Variants in PLCG2 observed in about 807,000 individuals in gnomAD.
PLCG2 encodes the protein phospholipase C gamma 2.
Under a neutral mutation model 175.6 loss-of-function variants are expected in PLCG2, and 69 were observed. The observed-to-expected ratio is 0.39, with a 90% CI of 0.32 to 0.48. PLCG2 has a LOEUF of 0.48. Among genes scored for constraint, PLCG2 ranks in the 20% least tolerant of loss-of-function variants. The pLI is 0.91. For missense variants in PLCG2, 1,798 were observed against 1,650.9 expected, an observed-to-expected ratio of 1.09 and a Z score of -1.54; for synonymous variants, 827 against 624.0, an observed-to-expected ratio of 1.33 and a Z score of -4.85.
chr16:81,874,966 T>TA (rs1907704795), intron 7 of PLCG2, among the ~76,000 whole-genome samples: 1 of 144,346 alleles, frequency 6.9e-6, no homozygotes. Flanking sequence ...TTTTTTTTTT[T>TA]TTTTTTTTTT....
chr16:81,924,918 C>G (rs372974769), intron 22 of PLCG2, among the ~76,000 whole-genome samples: 2 of 152,246 alleles, frequency 1.3e-5, no homozygotes, highest in Non-Finnish European at 2.9e-5. Context: ...TCCCTCCACT[C>G]GAAGTGGCAC....
chr16:81,829,477 C>G (rs79434273), intron 2 of PLCG2, among the ~76,000 whole-genome samples: 1 of 152,198 alleles, frequency 6.6e-6, no homozygotes. Flanking sequence ...CTTGGCCTCC[C>G]GAAGTGTTGG....
chr16:81,801,255 A>G (rs746980963), intron 2 of PLCG2, among the ~76,000 whole-genome samples: 27 of 152,232 alleles, frequency 1.8e-4, no homozygotes, highest in Non-Finnish European at 3.4e-4. Flanking sequence ...AATAAAATAT[A>G]GTTAAGTTCT....
intron 5 of PLCG2, among the ~76,000 whole-genome samples, chr16:81,859,722 G>C (rs1044356214): frequency 6.6e-6 from 1 of 151,996 alleles, no homozygotes; most frequent in African/African-American, 2.4e-5. Flanking sequence ...ATTTTTAGTA[G>C]AGACAGGGTT....
At chr16:81,946,376 G>T in intron 31 of PLCG2, 113 bp downstream of exon 31, 1 of 756,890 alleles carries the variant, frequency 1.3e-6, no homozygotes, top group Non-Finnish European at 2.4e-6. Flanking sequence ...GAATTGTCTA[G>T]CCCAAGCATG....
rs1911729783 is a variant in PLCG2, at chr16:81,960,164, T to C, written c.*2166T>C. 1 of 220,486 alleles carries C rather than the reference T, an allele frequency of 4.5e-6. No homozygotes were observed. The highest frequency in any genetic ancestry group is 9.1e-6 in the Non-Finnish European group (1 of 110,144). The allele number at this position is 220,486 out of a possible 1,614,324, so 13.7% of individuals were successfully genotyped here. On this transcript the variant is annotated 3_prime_UTR_variant, in exon 33 of 33. Coordinates refer to ENST00000564138, the MANE Select transcript of PLCG2 (RefSeq NM_002661.5). ...ATGAGAGAGTACTTTCTTCGGTTCTTTCCTCCTGTCCTTGACAGAGTAACA... is the reference window on the plus strand; with the variant it reads ...ATGAGAGAGTACTTTCTTCGGTTCTCTCCTCCTGTCCTTGACAGAGTAACA...
chr16:81,880,573 A>G (rs1908030040), intron 7 of PLCG2, among the ~76,000 whole-genome samples: 1 of 150,766 alleles, frequency 6.6e-6, no homozygotes, highest in South Asian at 2.1e-4. Context: ...CTTGAAACAC[A>G]GCAAAAAATT....
intron 5 of PLCG2, among the ~76,000 whole-genome samples, chr16:81,867,723 A>G (rs1907312517): frequency 6.7e-6 from 1 of 150,066 alleles, no homozygotes; most frequent in Admixed American, 6.7e-5. Flanking sequence ...TTGGAGATGG[A>G]GTCTTGCTCT....
chr16:81,928,803 T>C, intron 24 of PLCG2, 179 bp downstream of exon 24: 1 of 553,152 alleles, frequency 1.8e-6, no homozygotes, highest in South Asian at 2.7e-5. Context: ...CTATGTCTGC[T>C]ATTAATCTCT....
Position 81,810,803 on chromosome 16 carries a change from A to G in PLCG2, c.193+24621A>G, listed in dbSNP as rs549011990. On this transcript the variant is annotated intron_variant, in intron 2 of 32. Coordinates refer to ENST00000564138, the MANE Select transcript of PLCG2 (RefSeq NM_002661.5). Reference sequence around the variant, plus strand: ...CTGTATTGAGTTCTGATAGAAGGAGACAGGGTCTTTAATTTCATCGACCTT... The same window carrying G: ...CTGTATTGAGTTCTGATAGAAGGAGGCAGGGTCTTTAATTTCATCGACCTT... Among the ~76,000 whole-genome samples the G allele has an allele frequency of 2.0e-5, 3 of 152,170 alleles. No individual in the cohort carries two copies. In the East Asian group the frequency reaches 5.8e-4, roughly 29 times the overall value.
At chr16:81,922,658 G>C (rs1245536919) in intron 21 of PLCG2, among the ~76,000 whole-genome samples, 1 of 152,196 alleles carries the variant, frequency 6.6e-6, no homozygotes, top group African/African-American at 2.4e-5. Context: ...TCTGTAGCCT[G>C]TGTTCTGAGG....
chr16:81,939,075 C>G (rs1367996080), intron 29 of PLCG2, among the ~76,000 whole-genome samples, 160 bp downstream of exon 29: 1 of 152,112 alleles, frequency 6.6e-6, no homozygotes, highest in Non-Finnish European at 1.5e-5. Flanking sequence ...GGGATACATA[C>G]AAAGGGCCAC....
chr16:81,896,365 AACACACACAC>A (rs57375866), intron 13 of PLCG2, among the ~76,000 whole-genome samples: 10,305 of 120,834 alleles, frequency 0.085, 530 homozygotes, highest in Non-Finnish European at 0.094. Context: ...TCTCTACCAA[AACACACACAC>A]ACACACACAC....
chr16:81,762,731 A>G (rs1309031698), intron 2 of PLCG2, among the ~76,000 whole-genome samples: 2 of 152,166 alleles, frequency 1.3e-5, no homozygotes, highest in Non-Finnish European at 2.9e-5. Flanking sequence ...CACCACTGCA[A>G]TATCCCCCCA....
chr16:81,776,098 TTTTTTTCC>T (rs1567456724), upstream of PLCG2, among the ~76,000 whole-genome samples: 3 of 46,908 alleles, frequency 6.4e-5, 1 homozygote, highest in Non-Finnish European at 1.6e-4. Context: ...TCTTTCTTTC[TTTTTTTCC>T]TTCTTTCTTT....
intron 14 of PLCG2, among the ~76,000 whole-genome samples, chr16:81,902,974 T>C (rs538785976): frequency 6.6e-6 from 1 of 152,302 alleles, no homozygotes; most frequent in South Asian, 2.1e-4. Context: ...CATGATTCAA[T>C]TACCTCCCAC....
chr16:81,756,506 A>G (rs903142797), intron 2 of PLCG2, among the ~76,000 whole-genome samples: 5 of 152,218 alleles, frequency 3.3e-5, no homozygotes, highest in African/African-American at 1.2e-4. Context: ...GGAGGAGCCA[A>G]GCCTGTACTC....
chr16:81,780,307 T>A (rs1353069234), intron 1 of PLCG2, among the ~76,000 whole-genome samples: 1 of 152,182 alleles, frequency 6.6e-6, no homozygotes, highest in African/African-American at 2.4e-5. Flanking sequence ...CACCCAATTT[T>A]CCAGGGCTGT....
upstream of PLCG2, among the ~76,000 whole-genome samples, chr16:81,777,682 A>G (rs978732852): frequency 5.9e-5 from 9 of 152,076 alleles, no homozygotes; most frequent in African/African-American, 2.2e-4. Context: ...ATGGCTTGGG[A>G]TACAACATTG....
Sources: allele counts gnomAD v4.1 joint callset (sites outside exome capture counted in the v4.1 genomes callset), GRCh38; gene constraint gnomAD v4.1.1; transcripts MANE v1.5; gene names NCBI Gene and HGNC (gene_info 2026-07-23, HGNC 2026-07-21).